Variants in DPP10 observed in about 807,000 individuals in gnomAD.
DPP10 encodes the protein inactive dipeptidyl peptidase 10.
A neutral mutation model predicts 120.9 loss-of-function variants in DPP10; 33 were observed. That is an observed-to-expected ratio of 0.27 (90% CI 0.21 to 0.37). The LOEUF (loss-of-function observed/expected upper bound fraction) is 0.37, where lower values mean the gene tolerates loss of function less well. Among genes scored for constraint, DPP10 ranks in the 10% least tolerant of loss-of-function variants. The pLI is 1.00. For synonymous variants in DPP10, 337 were observed against 326.1 expected, an observed-to-expected ratio of 1.03 and a Z score of -0.36; for missense variants, 816 against 942.8, an observed-to-expected ratio of 0.87 and a Z score of 1.76.
chr2:114,793,807 C>T (rs1162639942), intron 1 of DPP10, among the ~76,000 whole-genome samples: 4 of 152,168 alleles, frequency 2.6e-5, no homozygotes, highest in Admixed American at 1.3e-4. Flanking sequence ...CTCATTCTCC[C>T]TCCCCTTGGT....
intron 1 of DPP10, among the ~76,000 whole-genome samples, chr2:114,744,214 G>A (rs1678344126): frequency 6.6e-6 from 1 of 152,148 alleles, no homozygotes; most frequent in Non-Finnish European, 1.5e-5. Flanking sequence ...TGAGGATTCT[G>A]AACCTTATTT....
intron 1 of DPP10, among the ~76,000 whole-genome samples, chr2:114,574,054 C>G (rs1347545394): frequency 6.6e-6 from 1 of 152,002 alleles, no homozygotes; most frequent in Non-Finnish European, 1.5e-5. Flanking sequence ...GCATTTTATT[C>G]CAAGTGGATC....
intron 1 of DPP10, among the ~76,000 whole-genome samples, chr2:114,936,837 C>A (rs1696523768): frequency 6.6e-6 from 1 of 152,094 alleles, no homozygotes; most frequent in African/African-American, 2.4e-5. Context: ...TTTTCCTGAT[C>A]ATTAGTAATA....
At chr2:114,774,757 T>C (rs1294363228) in intron 1 of DPP10, among the ~76,000 whole-genome samples, 1 of 151,524 alleles carries the variant, frequency 6.6e-6, no homozygotes. Context: ...CAACATTAGT[T>C]GGCTAAAGCT....
intron 1 of DPP10, among the ~76,000 whole-genome samples, chr2:114,491,140 C>A (rs1355015386): frequency 6.6e-6 from 1 of 152,056 alleles, no homozygotes; most frequent in Non-Finnish European, 1.5e-5. Context: ...CTGATGGACT[C>A]CTGCATACTC....
intron 1 of DPP10, among the ~76,000 whole-genome samples, chr2:114,740,237 C>G (rs1305190934): frequency 1.3e-5 from 2 of 151,282 alleles, no homozygotes; most frequent in Non-Finnish European, 2.9e-5. Flanking sequence ...AACCATCATT[C>G]TCAGTAAACT....
chr2:115,457,738 G>A (rs1197558877), intron 3 of DPP10, among the ~76,000 whole-genome samples: 1 of 151,958 alleles, frequency 6.6e-6, no homozygotes, highest in East Asian at 1.9e-4. Flanking sequence ...CAACACTTGG[G>A]GAGACAACGT....
At chr2:114,773,019 C>A (rs189251794) in intron 1 of DPP10, among the ~76,000 whole-genome samples, 121 of 152,256 alleles carry the variant, frequency 7.9e-4, no homozygotes, top group African/African-American at 2.7e-3. Flanking sequence ...ATTCTCAAAG[C>A]CTTCATTTTC....
At chr2:114,457,316 G>A (rs565616699) in intron 1 of DPP10, among the ~76,000 whole-genome samples, 5 of 152,310 alleles carry the variant, frequency 3.3e-5, no homozygotes, top group African/African-American at 1.2e-4. Context: ...ATGTCTGGCA[G>A]CATCCCTGGC....
chr2:115,636,607 A>C (rs1224587695), intron 5 of DPP10, among the ~76,000 whole-genome samples: 1 of 151,386 alleles, frequency 6.6e-6, no homozygotes, highest in Non-Finnish European at 1.5e-5. Flanking sequence ...AAAGAGAGAG[A>C]GTGAGAGAAG....
intron 8 of DPP10, among the ~76,000 whole-genome samples, chr2:115,736,468 T>G (rs914049678): frequency 7.9e-5 from 12 of 152,066 alleles, no homozygotes; most frequent in African/African-American, 2.9e-4. Flanking sequence ...CCACAAAATA[T>G]TTCCTTTTTT....
intron 1 of DPP10, among the ~76,000 whole-genome samples, chr2:114,566,254 A>G (rs1689192004): frequency 6.6e-6 from 1 of 152,194 alleles, no homozygotes; most frequent in Non-Finnish European, 1.5e-5. Context: ...AGAGCAAAGG[A>G]GCTCAGCCAT....
At chr2:115,421,956 C>CTTA (rs1381922446) in intron 3 of DPP10, among the ~76,000 whole-genome samples, 1 of 134,830 alleles carries the variant, frequency 7.4e-6, no homozygotes, top group Non-Finnish European at 1.6e-5. Flanking sequence ...TGTCTCTAAA[C>CTTA]AAGTTTAAAA....
chr2:114,517,684 AT>A (rs1456401455), intron 1 of DPP10, among the ~76,000 whole-genome samples: 2 of 152,190 alleles, frequency 1.3e-5, no homozygotes, highest in African/African-American at 2.4e-5. Flanking sequence ...ACATTAAGCT[AT>A]TTTTAATCTG....
chr2:115,175,859 A>G lies in DPP10; in HGVS notation c.61-133380A>G, dbSNP rs568468961. On this transcript the variant is annotated intron_variant, in intron 1 of 25. Transcript: ENST00000410059. ...AGCTGTATGTGGCTAGGGCTACTATATATTAGAGAATCAGTTTTAGAACAC... is the reference window on the plus strand; with the variant it reads ...AGCTGTATGTGGCTAGGGCTACTATGTATTAGAGAATCAGTTTTAGAACAC... Among the ~76,000 whole-genome samples, 17 of 152,340 alleles carry G rather than the reference A, an allele frequency of 1.1e-4. No individual in the cohort carries two copies. In the South Asian group the frequency reaches 3.5e-3, roughly 32 times the overall value.
At chr2:114,501,834 T>C (rs1352151348) in intron 1 of DPP10, among the ~76,000 whole-genome samples, 1 of 151,922 alleles carries the variant, frequency 6.6e-6, no homozygotes, top group Admixed American at 6.6e-5. Flanking sequence ...TCCTAAAGCA[T>C]AGTGGGAAAT....
At chr2:115,181,859 T>TA (rs1289851724) in intron 1 of DPP10, among the ~76,000 whole-genome samples, 1 of 152,220 alleles carries the variant, frequency 6.6e-6, no homozygotes, top group Non-Finnish European at 1.5e-5. Context: ...GTGGATGATT[T>TA]AAGAACGTTT....
intron 1 of DPP10, among the ~76,000 whole-genome samples, chr2:115,297,579 G>T (rs1307809570): frequency 6.6e-6 from 1 of 151,994 alleles, no homozygotes; most frequent in East Asian, 1.9e-4. Context: ...AAGTGGATGC[G>T]TGGTGCACCA....
intron 17 of DPP10, among the ~76,000 whole-genome samples, chr2:115,786,154 A>T (rs1575772089): frequency 6.6e-6 from 1 of 152,324 alleles, no homozygotes; most frequent in Non-Finnish European, 1.5e-5. Flanking sequence ...ACATGCTTAT[A>T]ACAGTCTATG....
Sources: allele counts gnomAD v4.1 joint callset (sites outside exome capture counted in the v4.1 genomes callset), GRCh38; gene constraint gnomAD v4.1.1; transcripts MANE v1.5; gene names NCBI Gene and HGNC (gene_info 2026-07-23, HGNC 2026-07-21).